Variants in ADAM32 observed in about 807,000 individuals in gnomAD.
ADAM32 encodes ADAM metallopeptidase domain 32, also known as disintegrin and metalloproteinase domain-containing protein 32.
A neutral mutation model predicts 114.9 loss-of-function variants in ADAM32; 89 were observed. The observed-to-expected ratio is 0.77, with a 90% CI of 0.65 to 0.92. The LOEUF is 0.92. Ranked by LOEUF, ADAM32 falls within the 40% of genes least tolerant of loss-of-function variation. The pLI, the probability that ADAM32 is intolerant of heterozygous loss-of-function variation, is 0.00. For missense variants in ADAM32, 870 were observed against 932.8 expected, an observed-to-expected ratio of 0.93 and a Z score of 0.88; for synonymous variants, 285 against 307.5, an observed-to-expected ratio of 0.93 and a Z score of 0.77.
intron 17 of ADAM32, among the ~76,000 whole-genome samples, chr8:39,248,949 C>T (rs1811108233): frequency 6.8e-6 from 1 of 147,816 alleles, no homozygotes; most frequent in South Asian, 2.1e-4. Flanking sequence ...GTTGCCCAGG[C>T]TGGAGTGCAG....
At chr8:39,220,485 G>A (rs1808884777) in intron 12 of ADAM32, among the ~76,000 whole-genome samples, 1 of 151,832 alleles carries the variant, frequency 6.6e-6, no homozygotes, top group Non-Finnish European at 1.5e-5. Context: ...TGCCTTTCTA[G>A]TTCCTTGAGG....
chr8:39,170,057 T>G, intron 10 of ADAM32, 60 bp downstream of exon 10: 1 of 1,283,230 alleles, frequency 7.8e-7, no homozygotes, highest in Non-Finnish European at 1.1e-6. Flanking sequence ...TTTGACATGA[T>G]AGTATATATT....
intron 19 of ADAM32, among the ~76,000 whole-genome samples, chr8:39,261,755 C>T (rs927689224): frequency 1.3e-4 from 19 of 151,930 alleles, no homozygotes; most frequent in East Asian, 1.9e-4. Context: ...AACTGGGGTG[C>T]GAGATTACCT....
intron 19 of ADAM32, among the ~76,000 whole-genome samples, chr8:39,266,555 C>T (rs1470306807): frequency 6.6e-6 from 1 of 152,160 alleles, no homozygotes; most frequent in African/African-American, 2.4e-5. Context: ...TCTTTTAACT[C>T]TTCGACCATG....
intron 10 of ADAM32, among the ~76,000 whole-genome samples, chr8:39,173,069 C>T (rs1221014777): frequency 1.3e-5 from 2 of 152,190 alleles, no homozygotes; most frequent in African/African-American, 2.4e-5. Flanking sequence ...ACCAGCCTGA[C>T]CAACATGGTG....
intron 14 of ADAM32, among the ~76,000 whole-genome samples, chr8:39,224,980 A>G (rs1047324058): frequency 1.3e-5 from 2 of 152,192 alleles, no homozygotes; most frequent in African/African-American, 2.4e-5. Flanking sequence ...GCCACTCAGC[A>G]TGTGCCATTG....
At chr8:39,168,298 G>C (rs552123028) in intron 9 of ADAM32, 2 of 152,288 alleles carry the variant, frequency 1.3e-5, no homozygotes, top group Admixed American at 6.5e-5. Context: ...TAGGGAGAAG[G>C]GGGTGGTTGT....
chr8:39,144,316 G>A (rs1380359505), intron 3 of ADAM32, among the ~76,000 whole-genome samples: 1 of 152,024 alleles, frequency 6.6e-6, no homozygotes, highest in East Asian at 1.9e-4. Flanking sequence ...ATCTTGCTAG[G>A]AGCTGCAGAC....
At chr8:39,229,543 T>C (rs1469609372) in intron 14 of ADAM32, among the ~76,000 whole-genome samples, 2 of 152,110 alleles carry the variant, frequency 1.3e-5, no homozygotes, top group Non-Finnish European at 2.9e-5. Flanking sequence ...TGAGCAGGGG[T>C]AGCTATTCTT....
rs749082564 is a variant in ADAM32 at position 39,211,224 on chromosome 8, G to C, written c.1133G>C (p.Cys378Ser). Reference protein sequence around the residue: ...QNFISNVGVKCLQNKPQMQKK... With the variant: ...QNFISNVGVKSLQNKPQMQKK... ...TTCATTTCAAATGTGGGTGTCAAAT[G>C]TCTTCAGAATAAGCCACAAATGCAA... Residue 378 changes from cysteine to serine, a missense_variant, in exon 12 of 25, where the codon TGT becomes TCT. Transcript: ENST00000379907. The C allele has an allele frequency of 1.9e-6, 3 of 1,608,126 alleles. No homozygotes were observed. In the East Asian group the frequency reaches 6.7e-5, roughly 36 times the overall value.
intron 19 of ADAM32, among the ~76,000 whole-genome samples, chr8:39,263,341 C>T: frequency 6.6e-6 from 1 of 152,038 alleles, no homozygotes; most frequent in South Asian, 2.1e-4. Context: ...TATCTTTATA[C>T]TTAAACTTTA....
chr8:39,186,225 G>A (rs1806230568), intron 10 of ADAM32, among the ~76,000 whole-genome samples: 1 of 152,162 alleles, frequency 6.6e-6, no homozygotes, highest in Admixed American at 6.6e-5. Flanking sequence ...TGTCACCATA[G>A]CAATTAAATG....
chr8:39,187,611 C>G (rs1010919225), intron 11 of ADAM32, among the ~76,000 whole-genome samples: 6 of 152,050 alleles, frequency 3.9e-5, no homozygotes, highest in African/African-American at 1.4e-4. Context: ...AATAAGTGGC[C>G]TTTGTTTTAG....
At position 39,281,157 on chromosome 8, in the gene ADAM32, TG is replaced by T; in HGVS notation, c.2302del (p.Glu768LysfsTer?). 7.3e-7 allele frequency: 1 copy of T among 1,374,928 alleles called. No homozygotes were observed. The allele number at this position is 1,374,928 out of a possible 1,614,324, so 85.2% of individuals were successfully genotyped here. A position where few individuals can be genotyped will look rare whatever the true frequency, so the allele number is the denominator to read the frequency against. On this transcript the variant is annotated frameshift_variant, in exon 23 of 25. Transcript: ENST00000379907. LOFTEE classifies it high-confidence loss of function. Reference sequence around the variant, plus strand: ...TTAGATCCAAATCAGAAGATAGTGCTGAAGCATATACTAGCAGGTAAGCAGG... The same window carrying T: ...TTAGATCCAAATCAGAAGATAGTGCTAAGCATATACTAGCAGGTAAGCAGG... Reference protein sequence around the residue: ...TSKSKSEDSAEAYTSRSKSQD... With the variant: ...TSKSKSEDSAXAYTSRSKSQD...
intron 11 of ADAM32, among the ~76,000 whole-genome samples, chr8:39,205,810 C>T (rs1231543865): frequency 6.6e-6 from 1 of 152,124 alleles, no homozygotes; most frequent in African/African-American, 2.4e-5. Flanking sequence ...TTTATCTGTG[C>T]TCTGTTTTGT....
intron 7 of ADAM32, among the ~76,000 whole-genome samples, chr8:39,161,745 G>T (rs1804520339): frequency 6.6e-6 from 1 of 152,080 alleles, no homozygotes; most frequent in Non-Finnish European, 1.5e-5. Flanking sequence ...TAAGGTCAGG[G>T]ACCAGGATTT....
At chr8:39,196,280 T>C (rs1437379589) in intron 11 of ADAM32, among the ~76,000 whole-genome samples, 1 of 152,174 alleles carries the variant, frequency 6.6e-6, no homozygotes, top group African/African-American at 2.4e-5. Flanking sequence ...GCATGTCACC[T>C]ACAAGGAGGG....
intron 11 of ADAM32, among the ~76,000 whole-genome samples, chr8:39,206,657 G>T (rs946654203): frequency 6.6e-6 from 1 of 152,196 alleles, no homozygotes; most frequent in Admixed American, 6.5e-5. Context: ...CACCTTCTTG[G>T]TGCACTGCAC....
At chr8:39,123,458 G>C (rs1167934906) in intron 2 of ADAM32, among the ~76,000 whole-genome samples, 1 of 152,034 alleles carries the variant, frequency 6.6e-6, no homozygotes, top group African/African-American at 2.4e-5. Flanking sequence ...GATTTGGTCG[G>C]GGGGCACAAT....
Sources: gnomAD v4.1 joint callset for allele counts (sites outside exome capture counted in the v4.1 genomes callset) on GRCh38, gnomAD v4.1.1 for gene constraint, MANE v1.5 for transcripts, NCBI Gene and HGNC (gene_info 2026-07-23, HGNC 2026-07-21) for gene names.